PRKN: variants seen among roughly 807,000 people sequenced by gnomAD.
PRKN encodes parkin RBR E3 ubiquitin protein ligase.
In PRKN, 56 loss-of-function variants were observed where a neutral mutation model predicts 59.5. That is an observed-to-expected ratio of 0.94 (90% confidence interval 0.76 to 1.18). The LOEUF is 1.18. PRKN is among the 50% of genes most tolerant of loss of function. PRKN has a pLI of 0.00. For synonymous variants in PRKN, 250 were observed against 222.1 expected, an observed-to-expected ratio of 1.13 and a Z score of -1.12; for missense variants, 657 against 596.4, an observed-to-expected ratio of 1.10 and a Z score of -1.06.
In PRKN at chr6:161,548,482, A is replaced by T. The variant is rs1779873009; in HGVS notation, c.1083+372T>A. Among the ~76,000 whole-genome samples, 1 of 152,226 alleles carries T rather than the reference A, an allele frequency of 6.6e-6. No individual in the cohort carries two copies. The highest frequency in any genetic ancestry group is 2.1e-4 in the South Asian group (1 of 4,830). ...GTCACTAAGACGTCACTGATGGAGA[A>T]TTCTTTCTCCTTCACTCCTGTCTAC... On this transcript the variant is annotated intron_variant, in intron 9 of 11. Coordinates refer to ENST00000366898, the MANE Select transcript of PRKN (RefSeq NM_004562.3). The surrounding 1 kb of genome is among the most constrained non-coding windows in gnomAD (Gnocchi z 4.2).
intron 2 of PRKN, among the ~76,000 whole-genome samples, chr6:162,337,605 T>C (rs1190134654): frequency 1.3e-5 from 2 of 152,220 alleles, no homozygotes; most frequent in Non-Finnish European, 2.9e-5. Context: ...ATGGAAAATA[T>C]GCAGCATTTC....
intron 1 of PRKN, among the ~76,000 whole-genome samples, chr6:162,654,435 T>C (rs1307524238): frequency 6.6e-6 from 1 of 152,198 alleles, no homozygotes; most frequent in Admixed American, 6.5e-5. Flanking sequence ...GTTACCTGCC[T>C]GAGGAGCCCG....
At chr6:162,193,702 A>G (rs941407911) in intron 4 of PRKN, among the ~76,000 whole-genome samples, 30 of 152,088 alleles carry the variant, frequency 2.0e-4, no homozygotes, top group African/African-American at 7.2e-4. Context: ...CCATTCACCA[A>G]AGGCTGATTC....
At position 162,500,433 on chromosome 6, in the gene PRKN, A is replaced by G. The variant is rs576090453; in HGVS notation, c.8-56960T>C. 4.6e-5 allele frequency among the ~76,000 whole-genome samples: 7 copies of G among 152,222 alleles called. 1 individual carries two copies. The East Asian group carries it at 1.4e-3, about 29-fold the overall frequency. ...GTGATCCACCCGCCTCAGACTCCTAAAGTGCTGGGATTACAGGCGTGAGCC... is the reference window on the plus strand; with the variant it reads ...GTGATCCACCCGCCTCAGACTCCTAGAGTGCTGGGATTACAGGCGTGAGCC... On this transcript the variant is annotated intron_variant, in intron 1 of 11. Transcript: ENST00000366898.
At chr6:162,560,717 A>T (rs1779797589) in intron 1 of PRKN, among the ~76,000 whole-genome samples, 1 of 152,102 alleles carries the variant, frequency 6.6e-6, no homozygotes, top group Admixed American at 6.5e-5. Flanking sequence ...CAAATTTGCA[A>T]AATGTGGCAA....
At chr6:161,779,570 C>T (rs1007119928) in intron 7 of PRKN, among the ~76,000 whole-genome samples, 7 of 147,992 alleles carry the variant, frequency 4.7e-5, no homozygotes, top group Non-Finnish European at 1.0e-4. Context: ...TCAGCCTCCC[C>T]AGTAGCTGGG....
At chr6:161,513,433 G>T (rs1454167066) in intron 9 of PRKN, among the ~76,000 whole-genome samples, 2 of 149,154 alleles carry the variant, frequency 1.3e-5, no homozygotes, top group African/African-American at 5.0e-5. Flanking sequence ...GTAGAGACGG[G>T]ATTTCACCAT....
At chr6:162,057,848 C>T (rs1037786882) in intron 4 of PRKN, among the ~76,000 whole-genome samples, 4 of 152,162 alleles carry the variant, frequency 2.6e-5, no homozygotes, top group African/African-American at 9.7e-5. Context: ...ATAGTCATAA[C>T]ATTCATACTA....
At chr6:162,368,060 C>A (rs978121952) in intron 2 of PRKN, among the ~76,000 whole-genome samples, 1 of 152,146 alleles carries the variant, frequency 6.6e-6, no homozygotes, top group Admixed American at 6.5e-5. Context: ...TTCCCCTGAC[C>A]TGCCTTTGGA....
chr6:162,594,968 A>G (rs139925425), intron 1 of PRKN, among the ~76,000 whole-genome samples: 10,514 of 152,012 alleles, frequency 0.069, 483 homozygotes, highest in South Asian at 0.16. Context: ...AGGTCAGGAG[A>G]TCAAGACCAT....
intron 2 of PRKN, among the ~76,000 whole-genome samples, chr6:162,398,933 T>C (rs10455903): frequency 1.3e-5 from 2 of 152,186 alleles, no homozygotes; most frequent in Admixed American, 6.5e-5. Flanking sequence ...AAAAAGAAAC[T>C]GAAGATGTAA....
rs1227155697 is a variant in PRKN, at chr6:162,144,354, G to A, written c.534+56777C>T. On this transcript the variant is annotated intron_variant, in intron 4 of 11. Transcript: ENST00000366898. ...ATTGGTGAGATATCAAATGTGATACGATAACAAAAAAGCACTTTGTAGAGG... is the reference window on the plus strand; with the variant it reads ...ATTGGTGAGATATCAAATGTGATACAATAACAAAAAAGCACTTTGTAGAGG... 1.3e-5 allele frequency among the ~76,000 whole-genome samples: 2 copies of A among 152,110 alleles called. 1 individual carries two copies. Among genetic ancestry groups the A allele is most frequent in the South Asian group, 4.1e-4 (2 of 4,828 alleles).
At chr6:162,514,981 A>G (rs1421770208) in intron 1 of PRKN, among the ~76,000 whole-genome samples, 1 of 152,106 alleles carries the variant, frequency 6.6e-6, no homozygotes, top group African/African-American at 2.4e-5. Flanking sequence ...GTGATATACA[A>G]AAAAAAGGAA....
At chr6:162,194,002 A>G (rs185634912) in intron 4 of PRKN, among the ~76,000 whole-genome samples, 1 of 152,356 alleles carries the variant, frequency 6.6e-6, no homozygotes, top group Non-Finnish European at 1.5e-5. Context: ...TATTTTTGGT[A>G]AACCAACAAA....
At chr6:161,627,153 A>G (rs1783119371) in intron 7 of PRKN, among the ~76,000 whole-genome samples, 1 of 152,238 alleles carries the variant, frequency 6.6e-6, no homozygotes, top group South Asian at 2.1e-4. Context: ...AAGGAGGTAC[A>G]GCATCGGAGA....
intron 11 of PRKN, among the ~76,000 whole-genome samples, chr6:161,351,544 C>G (rs1020920808): frequency 6.6e-6 from 1 of 152,048 alleles, no homozygotes; most frequent in Non-Finnish European, 1.5e-5. Context: ...AGGCTGGTCT[C>G]AAACTCCTGA....
At chr6:161,913,358 A>G (rs553111633) in intron 6 of PRKN, among the ~76,000 whole-genome samples, 15 of 152,280 alleles carry the variant, frequency 9.9e-5, no homozygotes, top group African/African-American at 3.1e-4. Flanking sequence ...AGTCAACTCA[A>G]TACAATAGGA....
At position 162,008,178 on chromosome 6, in the gene PRKN, A is replaced by G. The variant is rs190774771; in HGVS notation, c.619-34761T>C. Among the ~76,000 whole-genome samples, 181 of 152,308 alleles carry G rather than the reference A, an allele frequency of 1.2e-3. 1 individual carries two copies. The highest frequency in any genetic ancestry group is 2.2e-3 in the Non-Finnish European group (147 of 68,022). ...AATTCCTGTAAACTCTCAGGAGACT[A>G]TAGAAGTCAAGAAATTAGAGAAAGA... On this transcript the variant is annotated intron_variant, in intron 5 of 11. Coordinates refer to ENST00000366898, the MANE Select transcript of PRKN (RefSeq NM_004562.3).
At chr6:162,630,627 A>C (rs895352853) in intron 1 of PRKN, among the ~76,000 whole-genome samples, 1 of 152,172 alleles carries the variant, frequency 6.6e-6, no homozygotes, top group Non-Finnish European at 1.5e-5. Flanking sequence ...TACAGCATTC[A>C]CAATCAGAAG....
Sources: gnomAD v4.1 joint callset for allele counts (sites outside exome capture counted in the v4.1 genomes callset) on GRCh38, gnomAD v4.1.1 for gene constraint, Gnocchi (gnomAD v3.1) non-coding constraint, MANE v1.5 for transcripts, NCBI Gene and HGNC (gene_info 2026-07-23, HGNC 2026-07-21) for gene names.